The following ELAVL2 variants were observed in gnomAD, a reference collection of about 807,000 sequenced individuals.
ELAVL2 encodes ELAV like RNA binding protein 2.
A neutral mutation model predicts 34.6 loss-of-function variants in ELAVL2; 4 were observed. The ratio of observed to expected loss-of-function variants is 0.12; its 90% confidence interval spans 0.06 to 0.26. ELAVL2 has a LOEUF of 0.26. ELAVL2 is among the 10% of genes least tolerant of loss of function. ELAVL2 has a pLI of 1.00. For synonymous variants in ELAVL2, 193 were observed against 154.8 expected, an observed-to-expected ratio of 1.25 and a Z score of -1.83; for missense variants, 432 against 442.8, an observed-to-expected ratio of 0.98 and a Z score of 0.22.
the ELAVL2 span, among the ~76,000 whole-genome samples, chr9:23,840,448 C>T: frequency 6.6e-6 from 1 of 152,068 alleles, no homozygotes; most frequent in Admixed American, 6.6e-5. Context: ...TGATTTAGAG[C>T]AAAAATCAGT....
At chr9:23,809,470 G>A (rs192738885) in intron 1 of ELAVL2, among the ~76,000 whole-genome samples, 1 of 152,166 alleles carries the variant, frequency 6.6e-6, no homozygotes. Context: ...TATAAAAATT[G>A]CATATCTAAG....
chr9:23,720,950 CCCACT>C (rs1446258546), intron 3 of ELAVL2, among the ~76,000 whole-genome samples: 1 of 152,110 alleles, frequency 6.6e-6, no homozygotes, highest in African/African-American at 2.4e-5. Context: ...ACCACCCCAC[CCCACT>C]GATCCTGATA....
At chr9:23,810,109 T>C (rs1273000458) in intron 1 of ELAVL2, among the ~76,000 whole-genome samples, 1 of 152,164 alleles carries the variant, frequency 6.6e-6, no homozygotes, top group Non-Finnish European at 1.5e-5. Flanking sequence ...GTTATCTCAA[T>C]GTCACTTTCA....
At chr9:23,750,537 T>C (rs2051688872) in intron 2 of ELAVL2, among the ~76,000 whole-genome samples, 2 of 152,126 alleles carry the variant, frequency 1.3e-5, no homozygotes, top group South Asian at 2.1e-4. Flanking sequence ...GTCTGCACCA[T>C]ATAATGGCAA....
chr9:23,833,871 T>A, the ELAVL2 span, among the ~76,000 whole-genome samples: 2 of 152,020 alleles, frequency 1.3e-5, no homozygotes, highest in Non-Finnish European at 2.9e-5. Context: ...TGTTTTTGTT[T>A]AATGACTGAT....
At position 23,805,380 on chromosome 9, in the gene ELAVL2, C is replaced by T. The variant is rs115270062; in HGVS notation, c.-16+20426G>A. ...TATGATTTGCTAAGCTAAATAAAAG[C>T]CTTCATTAACAAGAAGTGACAGGAT... On this transcript the variant is annotated intron_variant, in intron 1 of 6. Transcript: ENST00000397312. 6.6e-3 allele frequency among the ~76,000 whole-genome samples: 1,004 copies of T among 152,242 alleles called. 12 individuals are homozygous for T. The highest frequency in any genetic ancestry group is 0.023 in the African/African-American group (947 of 41,530).
chr9:23,695,279 C>T (rs9697131), intron 5 of ELAVL2, among the ~76,000 whole-genome samples: 11,773 of 152,222 alleles, frequency 0.077, 482 homozygotes, highest in Middle Eastern at 0.099. Flanking sequence ...GAACCGCATA[C>T]TGAGGTCTCC....
At chr9:23,816,682 C>T (rs1382788313) in intron 1 of ELAVL2, among the ~76,000 whole-genome samples, 1 of 151,976 alleles carries the variant, frequency 6.6e-6, no homozygotes, top group Non-Finnish European at 1.5e-5. Flanking sequence ...TGATCCTTTC[C>T]CGGGCTAGCA....
the ELAVL2 span, among the ~76,000 whole-genome samples, chr9:23,842,163 GA>G: frequency 6.6e-6 from 1 of 152,136 alleles, no homozygotes; most frequent in African/African-American, 2.4e-5. Flanking sequence ...TGAAATTTCA[GA>G]GAGGAGAGAG....
At chr9:23,776,611 C>T (rs2058229804) in intron 1 of ELAVL2, among the ~76,000 whole-genome samples, 1 of 152,058 alleles carries the variant, frequency 6.6e-6, no homozygotes. Context: ...CCTCACGGAA[C>T]TTCTCCAAAA....
intron 2 of ELAVL2, among the ~76,000 whole-genome samples, chr9:23,761,660 A>G (rs1264904388): frequency 1.3e-5 from 2 of 152,068 alleles, no homozygotes; most frequent in Non-Finnish European, 2.9e-5. Context: ...CACATATTGT[A>G]TCTCACTGTT....
chr9:23,834,816 A>C, the ELAVL2 span, among the ~76,000 whole-genome samples: 2 of 152,072 alleles, frequency 1.3e-5, no homozygotes, highest in Non-Finnish European at 2.9e-5. Flanking sequence ...ATACAATTTC[A>C]TGATTCACCC....
intron 3 of ELAVL2, among the ~76,000 whole-genome samples, chr9:23,722,066 A>G (rs1473961238): frequency 6.6e-6 from 1 of 152,200 alleles, no homozygotes; most frequent in Admixed American, 6.5e-5. Context: ...CACTTCTGGA[A>G]ATAAAACATC....
intron 1 of ELAVL2, among the ~76,000 whole-genome samples, chr9:23,819,534 C>T (rs1474832247): frequency 2.0e-5 from 3 of 151,974 alleles, no homozygotes; most frequent in Admixed American, 6.5e-5. Flanking sequence ...TGTGTGAGCA[C>T]TGAATATAGC....
intron 3 of ELAVL2, among the ~76,000 whole-genome samples, chr9:23,716,757 T>A (rs912869929): frequency 6.6e-6 from 1 of 152,182 alleles, no homozygotes; most frequent in Non-Finnish European, 1.5e-5. Flanking sequence ...TATGGCCAAA[T>A]AAAACTTTAT....
At chr9:23,694,181 T>C (rs1007523547) in intron 5 of ELAVL2, among the ~76,000 whole-genome samples, 6 of 152,014 alleles carry the variant, frequency 3.9e-5, no homozygotes, top group Non-Finnish European at 7.4e-5. Context: ...GGATGCTGTA[T>C]TCAAATTACG....
At chr9:23,827,026 A>G (rs2065338107), upstream of ELAVL2, among the ~76,000 whole-genome samples, 1 of 152,222 alleles carries the variant, frequency 6.6e-6, no homozygotes, top group Non-Finnish European at 1.5e-5. Flanking sequence ...TCATGTTAGA[A>G]TAGAAAAGTG....
intron 3 of ELAVL2, among the ~76,000 whole-genome samples, chr9:23,705,318 A>T (rs1443612136): frequency 5.3e-5 from 8 of 152,202 alleles, no homozygotes; most frequent in Non-Finnish European, 2.9e-5. Context: ...AGCCTACTGC[A>T]AGGGACAGAA....
At chr9:23,836,122 G>C in the ELAVL2 span, among the ~76,000 whole-genome samples, 1 of 152,164 alleles carries the variant, frequency 6.6e-6, no homozygotes, top group South Asian at 2.1e-4. Context: ...CTCTGATGGA[G>C]CATTATGTAT....
Sources: gnomAD v4.1 joint callset for allele counts (sites outside exome capture counted in the v4.1 genomes callset) on GRCh38, gnomAD v4.1.1 for gene constraint, MANE v1.5 for transcripts, NCBI Gene and HGNC (gene_info 2026-07-23, HGNC 2026-07-21) for gene names.